LIMS1: variants seen among roughly 807,000 people sequenced by gnomAD.
LIMS1 encodes LIM and senescent cell antigen-like-containing domain protein 1.
Under a neutral mutation model 44.1 loss-of-function variants are expected in LIMS1, and 18 were observed. The observed-to-expected ratio is 0.41, with a 90% CI of 0.28 to 0.61. The LOEUF (loss-of-function observed/expected upper bound fraction) is 0.61, where lower values mean the gene tolerates loss of function less well. Ranked by LOEUF, LIMS1 falls within the 20% of genes least tolerant of loss-of-function variation. LIMS1 has a pLI of 0.32. For missense variants in LIMS1, 201 were observed against 422.0 expected (o/e 0.48, Z 4.59); for synonymous variants, 93 against 149.1 (o/e 0.62, Z 2.74).
intron 1 of LIMS1, among the ~76,000 whole-genome samples, chr2:108,640,823 A>T (rs528177179): frequency 6.6e-6 from 1 of 152,134 alleles, no homozygotes; most frequent in African/African-American, 2.4e-5. Flanking sequence ...CTTTTTGAAC[A>T]TGCGCAATAA....
intron 2 of LIMS1, among the ~76,000 whole-genome samples, chr2:108,665,173 G>A (rs1415733256): frequency 1.3e-5 from 2 of 152,148 alleles, no homozygotes; most frequent in East Asian, 3.9e-4. Flanking sequence ...GTCTGAGAAA[G>A]GTGTCATTAG....
intron 1 of LIMS1, among the ~76,000 whole-genome samples, chr2:108,611,112 C>T (rs1687574818): frequency 1.3e-5 from 2 of 152,190 alleles, no homozygotes; most frequent in South Asian, 2.1e-4. Flanking sequence ...GCAGGCAGTA[C>T]ACCGTTATGG....
At chr2:108,683,276 A>G (rs1304033571) in intron 9 of LIMS1, among the ~76,000 whole-genome samples, 1 of 152,222 alleles carries the variant, frequency 6.6e-6, no homozygotes, top group African/African-American at 2.4e-5. Context: ...GAAATCATTC[A>G]CATTATAAAA....
At chr2:108,562,974 A>G (rs1159153638) in intron 1 of LIMS1, among the ~76,000 whole-genome samples, 1 of 152,258 alleles carries the variant, frequency 6.6e-6, no homozygotes, top group East Asian at 1.9e-4. Flanking sequence ...CAAAAAAGCC[A>G]GAGCCCTTAA....
At chr2:108,571,419 C>A (rs535009885) in intron 1 of LIMS1, among the ~76,000 whole-genome samples, 1 of 152,160 alleles carries the variant, frequency 6.6e-6, no homozygotes, top group Admixed American at 6.5e-5. Context: ...GAACAGTGAT[C>A]GTGGATGTTT....
intron 1 of LIMS1, among the ~76,000 whole-genome samples, chr2:108,586,373 G>T (rs1275608625): frequency 1.3e-5 from 2 of 152,182 alleles, no homozygotes; most frequent in East Asian, 3.8e-4. Context: ...CTGTCTGGAT[G>T]TGAGTTTATG....
intron 1 of LIMS1, among the ~76,000 whole-genome samples, chr2:108,580,227 A>C (rs980759578): frequency 2.6e-5 from 4 of 152,220 alleles, no homozygotes; most frequent in Non-Finnish European, 4.4e-5. Flanking sequence ...TCTATAGAGC[A>C]GTGCTCTGAG....
chr2:108,644,959 G>T (rs920627382), intron 1 of LIMS1, among the ~76,000 whole-genome samples: 17 of 151,914 alleles, frequency 1.1e-4, no homozygotes, highest in Admixed American at 4.6e-4. Flanking sequence ...GGAAAAAAGT[G>T]AAAAGAAATG....
At chr2:108,592,261 C>T (rs2164829) in intron 1 of LIMS1, among the ~76,000 whole-genome samples, 94,972 of 151,920 alleles carry the variant, frequency 0.63, 30,276 homozygotes, top group East Asian at 0.97. Flanking sequence ...TTTGTCAGAA[C>T]AGTTACAGGA....
At chr2:108,607,180 G>A (rs1687315574) in intron 1 of LIMS1, 1 of 1,549,472 alleles carries the variant, frequency 6.5e-7, no homozygotes, top group South Asian at 1.2e-5. Context: ...GTGAGAGGGT[G>A]CCATCTATGA....
At chr2:108,626,537 A>AC (rs925561417) in intron 1 of LIMS1, among the ~76,000 whole-genome samples, 2 of 151,812 alleles carry the variant, frequency 1.3e-5, no homozygotes, top group Admixed American at 6.6e-5. Flanking sequence ...CTCACCTCCC[A>AC]CCCCCATATA....
chr2:108,666,958 C>T (rs1190178669), intron 2 of LIMS1, among the ~76,000 whole-genome samples: 1 of 151,918 alleles, frequency 6.6e-6, no homozygotes, highest in Non-Finnish European at 1.5e-5. Flanking sequence ...TATCCAGAAG[C>T]TGTCTGCACC....
intron 2 of LIMS1, among the ~76,000 whole-genome samples, chr2:108,670,284 A>T (rs1573605156): frequency 2.0e-5 from 3 of 152,148 alleles, no homozygotes; most frequent in African/African-American, 7.2e-5. Flanking sequence ...CAGGAGTCCA[A>T]GAACTAGCCT....
intron 1 of LIMS1, among the ~76,000 whole-genome samples, chr2:108,540,935 ATAGAG>A (rs1684295538): frequency 6.6e-6 from 1 of 152,220 alleles, no homozygotes; most frequent in Admixed American, 6.5e-5. Flanking sequence ...TGTCTACAGT[ATAGAG>A]TAAATACCTT....
At chr2:108,651,360 T>G (rs1490629516) in intron 1 of LIMS1, among the ~76,000 whole-genome samples, 1 of 152,288 alleles carries the variant, frequency 6.6e-6, no homozygotes, top group Non-Finnish European at 1.5e-5. Context: ...TCTTGCTGCA[T>G]CTTTTCTTCG....
At chr2:108,676,476 C>T (rs1474409855) in intron 6 of LIMS1, 130 bp from the exon 7 acceptor site, 3 of 1,128,856 alleles carry the variant, frequency 2.7e-6, no homozygotes, top group South Asian at 1.6e-5. Context: ...TATGGGGCCA[C>T]CTATGGCCAA....
At chr2:108,634,422 A>G (rs1248154251) in intron 1 of LIMS1, among the ~76,000 whole-genome samples, 3 of 152,246 alleles carry the variant, frequency 2.0e-5, no homozygotes, top group African/African-American at 7.2e-5. Flanking sequence ...GAAATTGTCC[A>G]GACTGTTACT....
rs560734080 is a variant in LIMS1, at chr2:108,535,521, T to TA, written c.32+928dup. 2.6e-3 allele frequency among the ~76,000 whole-genome samples: 389 copies of TA among 152,346 alleles called. 1 individual carries two copies. Among genetic ancestry groups the TA allele is most frequent in the African/African-American group, 9.2e-3 (381 of 41,570 alleles). On this transcript the variant is annotated intron_variant, in intron 1 of 9. Coordinates refer to ENST00000544547, the Ensembl canonical transcript of LIMS1. ...TGTCTTGCAGTTTGAATGCAGCTGTTACCCATTGTAACACCATATATTTGT... is the reference window on the plus strand; with the variant it reads ...TGTCTTGCAGTTTGAATGCAGCTGTTAACCCATTGTAACACCATATATTTGT...
chr2:108,533,891 C>A (rs540711113), upstream of LIMS1: 1 of 153,126 alleles, frequency 6.5e-6, no homozygotes, highest in East Asian at 1.9e-4. Flanking sequence ...CCGATCCAGA[C>A]CAGGTCCTCC....
Sources: gnomAD v4.1 joint callset for allele counts (sites outside exome capture counted in the v4.1 genomes callset) on GRCh38, gnomAD v4.1.1 for gene constraint, MANE v1.5 for transcripts, NCBI Gene and HGNC (gene_info 2026-07-23, HGNC 2026-07-21) for gene names.